The following THOC1 variants were observed in gnomAD, a reference collection of about 807,000 sequenced individuals.
THOC1 encodes the protein THO complex 1.
Under a neutral mutation model 97.3 loss-of-function variants are expected in THOC1, and 29 were observed. That is an observed-to-expected ratio of 0.30 (90% CI 0.22 to 0.41). The LOEUF (loss-of-function observed/expected upper bound fraction) is 0.41, where lower values mean the gene tolerates loss of function less well. THOC1 is among the 10% of genes least tolerant of loss of function. THOC1 has a pLI of 1.00. For synonymous variants in THOC1, 255 were observed against 257.0 expected (o/e 0.99, Z 0.07); for missense variants, 529 against 761.9 (o/e 0.69, Z 3.60).
intron 9 of THOC1, among the ~76,000 whole-genome samples, chr18:252,224 A>G (rs962300977): frequency 6.6e-6 from 1 of 152,174 alleles, no homozygotes; most frequent in Non-Finnish European, 1.5e-5. Flanking sequence ...ACACACAGGC[A>G]CTGGGTCCAC....
chr18:256,073 G>A (rs573489378), intron 7 of THOC1, among the ~76,000 whole-genome samples: 1 of 152,310 alleles, frequency 6.6e-6, no homozygotes, highest in African/African-American at 2.4e-5. Flanking sequence ...TGATGGAGAT[G>A]GGCAAGGAAA....
In THOC1 at chr18:237,654, G is replaced by A. The variant is rs558524181; in HGVS notation, c.918+8670C>T. Among the ~76,000 whole-genome samples, 24 of 151,956 alleles carry A rather than the reference G, an allele frequency of 1.6e-4. No homozygotes were observed. The South Asian group carries it at 1.7e-3, about 11-fold the overall frequency. On this transcript the variant is annotated intron_variant, in intron 11 of 20. Coordinates refer to ENST00000261600, the MANE Select transcript of THOC1 (RefSeq NM_005131.3). ...CAGTTAGTATGTTTACAAATATTTCGCTTTAAACGTTAAACAATTTAAACT... is the reference window on the plus strand; with the variant it reads ...CAGTTAGTATGTTTACAAATATTTCACTTTAAACGTTAAACAATTTAAACT...
intron 4 of THOC1, 84 bp downstream of exon 4, chr18:263,942 G>C: frequency 9.6e-7 from 1 of 1,039,466 alleles, no homozygotes; most frequent in Admixed American, 2.5e-5. Flanking sequence ...CAGATAGGTG[G>C]AGAAGTATGG....
chr18:220,903 C>T lies in THOC1; in HGVS notation c.1371-1934G>A, dbSNP rs568520527. Among the ~76,000 whole-genome samples, 12 of 151,928 alleles carry T rather than the reference C, an allele frequency of 7.9e-5. No homozygotes were observed. In the South Asian group the frequency reaches 2.5e-3, roughly 32 times the overall value. On this transcript the variant is annotated intron_variant, in intron 17 of 20. Coordinates refer to ENST00000261600, the MANE Select transcript of THOC1 (RefSeq NM_005131.3). ...TTTCTACTTCTATGAGTTTACTTTT[C>T]TTCTGAATGACTCTCAGTGTCAGAC... is the stretch of plus-strand genomic sequence containing the variant.
chr18:241,330 A>G (rs1030400310), intron 11 of THOC1, among the ~76,000 whole-genome samples: 5 of 152,210 alleles, frequency 3.3e-5, no homozygotes, highest in Non-Finnish European at 7.4e-5. Context: ...CATAAAAAGT[A>G]CAAAACATTT....
intron 11 of THOC1, among the ~76,000 whole-genome samples, chr18:239,160 T>C (rs1911810381): frequency 1.3e-5 from 2 of 152,248 alleles, no homozygotes; most frequent in African/African-American, 4.8e-5. Context: ...CTGAAAATTA[T>C]ATGAATTTAC....
At position 242,426 on chromosome 18, in the gene THOC1, C is replaced by CA. The variant is rs1002820066; in HGVS notation, c.918+3897dup. ...CCAGGAGGTGGAAGTTACAGTGGGC[C>CA]AAAAAAAAAGTGTCTCAAAAAAAAA... On this transcript the variant is annotated intron_variant, in intron 11 of 20. Transcript: ENST00000261600. This position sits in a 1 kb window ranked among gnomAD's most constrained non-coding sequence, Gnocchi z 4.5. Among the ~76,000 whole-genome samples, 2 of 122,466 alleles carry CA rather than the reference C, an allele frequency of 1.6e-5. No individual in the cohort carries two copies. Among genetic ancestry groups the CA allele is most frequent in the African/African-American group, 3.1e-5 (1 of 32,118 alleles). 80.3% of individuals were successfully genotyped at this position (122,466 alleles called of 152,430 possible).
intron 17 of THOC1, among the ~76,000 whole-genome samples, chr18:221,562 A>C (rs1281157693): frequency 6.8e-6 from 1 of 147,246 alleles, no homozygotes; most frequent in Non-Finnish European, 1.5e-5. Flanking sequence ...ACCTTTCCAT[A>C]TCTTTATTTT....
intron 7 of THOC1, among the ~76,000 whole-genome samples, chr18:258,161 G>A (rs921838692): frequency 1.3e-5 from 2 of 152,082 alleles, no homozygotes; most frequent in South Asian, 2.1e-4. Context: ...CATCTGACTT[G>A]TCAATAGAAA....
At chr18:267,112 A>G (rs751199948) in intron 1 of THOC1, among the ~76,000 whole-genome samples, 3 of 152,110 alleles carry the variant, frequency 2.0e-5, no homozygotes, top group African/African-American at 4.8e-5. Flanking sequence ...TGGCATCCCT[A>G]TAACTACCAA....
chr18:239,682 T>C (rs1911830579), intron 11 of THOC1, among the ~76,000 whole-genome samples: 1 of 152,212 alleles, frequency 6.6e-6, no homozygotes, highest in African/African-American at 2.4e-5. Flanking sequence ...CAGGATGAAA[T>C]AAATCAGTTA....
In THOC1 at chr18:259,788, A is replaced by G. The variant is rs190528800; in HGVS notation, c.376-58T>C. The G allele has an allele frequency of 7.5e-5, 100 of 1,335,008 alleles. No homozygotes were observed. The African/African-American group carries it at 1.3e-3, about 18-fold the overall frequency. The allele number at this position is 1,335,008 out of a possible 1,614,324, so 82.7% of individuals were successfully genotyped here. On this transcript the variant is annotated intron_variant, in intron 5 of 20. Coordinates refer to ENST00000261600, the MANE Select transcript of THOC1 (RefSeq NM_005131.3). ...CAGAACTTGTTACACATTCTTCAAT[A>G]ATAAGTTGCCAGAGTGAAATATTAA... is the stretch of plus-strand genomic sequence containing the variant.
chr18:265,154 C>G lies in THOC1; in HGVS notation c.189+149G>C, dbSNP rs184629762. 7.8e-6 allele frequency: 5 copies of G among 641,442 alleles called. No homozygotes were observed. The Admixed American group carries it at 9.7e-5, about 12-fold the overall frequency. 39.7% of individuals were successfully genotyped at this position (641,442 alleles called of 1,614,324 possible). A position where few individuals can be genotyped will look rare whatever the true frequency, so the allele number is the denominator to read the frequency against. On this transcript the variant is annotated intron_variant, in intron 3 of 20. Coordinates refer to ENST00000261600, the MANE Select transcript of THOC1 (RefSeq NM_005131.3). ...GTGCTATCAAAATCCTTAGAGAAAT[C>G]GTATAGTCATCAAGTCAACTTTTAC...
chr18:224,653 T>C (rs1366932806), intron 15 of THOC1, among the ~76,000 whole-genome samples: 1 of 152,098 alleles, frequency 6.6e-6, no homozygotes, highest in South Asian at 2.1e-4. Flanking sequence ...TGCCACATTA[T>C]ATGGCAAATT....
chr18:258,629 G>A (rs1912507504), intron 7 of THOC1, among the ~76,000 whole-genome samples: 1 of 152,122 alleles, frequency 6.6e-6, no homozygotes, highest in South Asian at 2.1e-4. Flanking sequence ...TTAAGGAAGG[G>A]AGGACTGAAG....
intron 5 of THOC1, 46 bp downstream of exon 5, chr18:260,140 T>A (rs72856275): frequency 0.26 from 313,190 of 1,227,678 alleles, 41,854 homozygotes; most frequent in South Asian, 0.34. Context: ...GAATTCTGGA[T>A]CTATAGAAAG....
intron 18 of THOC1, among the ~76,000 whole-genome samples, chr18:218,112 C>A (rs1016826878): frequency 3.3e-5 from 5 of 152,346 alleles, no homozygotes; most frequent in Admixed American, 2.6e-4. Context: ...ACACTAGTCA[C>A]AAATACTGAG....
rs1912081824 is a variant in THOC1, at chr18:246,224, GA to G, written c.918+99del. 3.1e-6 allele frequency: 3 copies of G among 968,574 alleles called. No individual in the cohort carries two copies. In the East Asian group the frequency reaches 8.3e-5, roughly 27 times the overall value. The allele number at this position is 968,574 out of a possible 1,614,324, so 60.0% of individuals were successfully genotyped here. On this transcript the variant is annotated intron_variant, in intron 11 of 20. Coordinates refer to ENST00000261600, the MANE Select transcript of THOC1 (RefSeq NM_005131.3). ...TCAGCTTTAACCCAAAGTAAAATAA[GA>G]AACATTTCTATTCAGTTTAACTTAG...
At position 264,341 on chromosome 18, in the gene THOC1, T is replaced by C. The variant is rs143122100; in HGVS notation, c.190-249A>G. 3.3e-5 allele frequency among the ~76,000 whole-genome samples: 5 copies of C among 152,322 alleles called. No individual in the cohort carries two copies. In the East Asian group the frequency reaches 9.6e-4, roughly 29 times the overall value. On this transcript the variant is annotated intron_variant, in intron 3 of 20. Transcript: ENST00000261600. ...AATCCAATGGTCTCAAGAAAATGGT[T>C]ATATTAGCAAGATGAAGGCTATAAG...
Sources: allele counts gnomAD v4.1 joint callset (sites outside exome capture counted in the v4.1 genomes callset), GRCh38; gene constraint gnomAD v4.1.1; non-coding constraint Gnocchi (gnomAD v3.1); transcripts MANE v1.5; gene names NCBI Gene and HGNC (gene_info 2026-07-23, HGNC 2026-07-21).